The following ZNF765 variants were observed in gnomAD, a reference collection of about 807,000 sequenced individuals.
ZNF765 encodes zinc finger protein 765.
ZNF765 carries 37 observed loss-of-function variants against 44.7 expected under a neutral mutation model. The ratio of observed to expected loss-of-function variants is 0.83; its 90% CI spans 0.64 to 1.09. The LOEUF is 1.09. ZNF765 is among the 50% of genes least tolerant of loss of function. ZNF765 has a pLI of 0.00. For missense variants in ZNF765, 594 were observed against 626.1 expected, an observed-to-expected ratio of 0.95 and a Z score of 0.55; for synonymous variants, 201 against 213.7, an observed-to-expected ratio of 0.94 and a Z score of 0.52.
intron 2 of ZNF765, 68 bp from the exon 3 acceptor site, chr19:53,401,997 C>T (rs1205421914): frequency 5.6e-6 from 9 of 1,613,724 alleles, no homozygotes; most frequent in South Asian, 2.2e-5. Flanking sequence ...CCTCTCTCTT[C>T]TTCTCATTTT....
At chr19:53,398,516 C>T (rs571474091) in intron 2 of ZNF765, among the ~76,000 whole-genome samples, 8 of 152,276 alleles carry the variant, frequency 5.3e-5, no homozygotes, top group Admixed American at 3.9e-4. Flanking sequence ...GTGTTTCTGA[C>T]TCCAACTATC....
At chr19:53,402,836 AG>A (rs2147092516) in intron 3 of ZNF765, among the ~76,000 whole-genome samples, 1 of 152,254 alleles carries the variant, frequency 6.6e-6, no homozygotes, top group Admixed American at 6.5e-5. Context: ...CTGGGATTAC[AG>A]GTGCCAAACC....
Position 53,402,125 on chromosome 19 carries a change from G to A in ZNF765, c.76G>A (p.Asp26Asn), listed in dbSNP as rs1385156783. 1 of 1,613,904 alleles carries A rather than the reference G, an allele frequency of 6.2e-7. No individual in the cohort carries two copies. Among genetic ancestry groups the A allele is most frequent in the Non-Finnish European group, 8.5e-7 (1 of 1,179,998 alleles). Residue 26 changes from aspartate (D) to asparagine (N), a missense_variant, in exon 3 of 4, where the codon GAC becomes AAC. By Grantham distance (23) the Asp-to-Asn change is conservative. This residue lies in a region of ZNF765 where 27 missense variants were observed against 53.6 expected (regional missense o/e 0.50). Coordinates refer to ENST00000396408, the MANE Select transcript of ZNF765 (RefSeq NM_001040185.3). ...CTCTCAGGAGGAGTGGAAATGCCTG[G>A]ACCCTGCTCAGAGGACTCTATACAG... The part of the protein sequence containing the change: ...EFSQEEWKCL[D>N]PAQRTLYRDV...
In ZNF765 at chr19:53,410,301, CCAAA is replaced by C. The variant is rs1188945069; in HGVS notation, c.*1175_*1178del. 8 of 357,440 alleles carry C rather than the reference CCAAA, an allele frequency of 2.2e-5. 1 individual carries two copies. Among genetic ancestry groups the C allele is most frequent in the Non-Finnish European group, 4.5e-5 (8 of 176,682 alleles). 22.1% of individuals were successfully genotyped at this position (357,440 alleles called of 1,614,324 possible). The stretch of plus-strand genomic sequence containing the variant: ...AAGTTTACAGTCGCAAATCAAGCCT[CCAAA>C]GACAGGAGAATTCATACTGGAGAGA... On this transcript the variant is annotated 3_prime_UTR_variant, in exon 4 of 4. Transcript: ENST00000396408.
intron 3 of ZNF765, among the ~76,000 whole-genome samples, chr19:53,417,045 TGACCTCA>T (rs2085879512): frequency 6.6e-6 from 1 of 152,164 alleles, no homozygotes; most frequent in African/African-American, 2.4e-5. Flanking sequence ...CCCTAACTCT[TGACCTCA>T]GGTGATCTGC....
At chr19:53,421,710 C>T (rs1193551920) in intron 3 of ZNF765, among the ~76,000 whole-genome samples, 1 of 152,140 alleles carries the variant, frequency 6.6e-6, no homozygotes, top group Non-Finnish European at 1.5e-5. Context: ...GATGGGGTTT[C>T]TCCATGTTGG....
chr19:53,396,620 T>G (rs2617640), intron 1 of ZNF765, among the ~76,000 whole-genome samples: 109,001 of 152,004 alleles, frequency 0.72, 39,185 homozygotes, highest in South Asian at 0.78. Context: ...AAGTGGGGTT[T>G]TCTGGAGCTC....
chr19:53,409,880 T>C lies in ZNF765; in HGVS notation c.*753T>C, dbSNP rs2085817670. ...AGAGGTACCTTACAAGGATAATGAG[T>C]GTAGAAAAACCTTTCATGGGCAGTC... On this transcript the variant is annotated 3_prime_UTR_variant, in exon 4 of 4. Coordinates refer to ENST00000396408, the MANE Select transcript of ZNF765 (RefSeq NM_001040185.3). 1.5e-6 allele frequency: 1 copy of C among 653,240 alleles called. No homozygotes were observed. The allele number at this position is 653,240 out of a possible 1,614,324, so 40.5% of individuals were successfully genotyped here.
chr19:53,403,098 G>A (rs1232638963), intron 3 of ZNF765, among the ~76,000 whole-genome samples: 1 of 151,956 alleles, frequency 6.6e-6, no homozygotes, highest in Non-Finnish European at 1.5e-5. Flanking sequence ...GGGAGTCAGA[G>A]GTTGCAGTGA....
Position 53,399,803 on chromosome 19 carries a change from A to G in ZNF765, c.15+1773A>G, listed in dbSNP as rs147655300. Among the ~76,000 whole-genome samples the G allele has an allele frequency of 5.0e-3, 761 of 152,102 alleles. 3 individuals are homozygous for G. Among genetic ancestry groups the G allele is most frequent in the African/African-American group, 0.016 (663 of 41,464 alleles). On this transcript the variant is annotated intron_variant, in intron 2 of 3. Coordinates refer to ENST00000396408, the MANE Select transcript of ZNF765 (RefSeq NM_001040185.3). ...ACTCTGGTGTTAAGTCCCGTACCCA[A>G]TAGTTATTTTTTATTTATTTATTTT...
At position 53,407,765 on chromosome 19, in the gene ZNF765, T is replaced by C; in HGVS notation, c.210T>C (p.His70=). ...CACAAGGCAATAGAGAAGTGTTCCA[T>C]GCAGGGACATCTCAAAGACATGAAA... ...STAQGNREVF[H]AGTSQRHESH... The change falls in exon 4 of 4, where the codon CAT becomes CAC. Residue 70 remains histidine (H), a synonymous_variant. Transcript: ENST00000396408. The C allele has an allele frequency of 2.5e-6, 4 of 1,607,808 alleles. No homozygotes were observed. Among genetic ancestry groups the C allele is most frequent in the Non-Finnish European group, 2.5e-6 (3 of 1,177,108 alleles).
chr19:53,408,589 A>G lies in ZNF765; in HGVS notation c.1034A>G (p.His345Arg), dbSNP rs376684292. Residue 345 changes from histidine (H) to arginine (R), a missense_variant, in exon 4 of 4, where the codon CAT becomes CGT. Coordinates refer to ENST00000396408, the MANE Select transcript of ZNF765 (RefSeq NM_001040185.3). ...AGTCAGAAGTCGTACCTTACATGCC[A>G]TCGTAGGCTTCATACTGGAGAGAAA... ...TFSQKSYLTC[H>R]RRLHTGEKPY... 9 of 1,613,882 alleles carry G rather than the reference A, an allele frequency of 5.6e-6. No individual in the cohort carries two copies. In the South Asian group the frequency reaches 8.8e-5, roughly 16 times the overall value.
chr19:53,426,779 C>A (rs549363823), exon 4 of ZNF765: 2 of 151,872 alleles, frequency 1.3e-5, no homozygotes, highest in African/African-American at 2.4e-5. Flanking sequence ...ACCATCCCCC[C>A]ATCTGTGGAA....
At chr19:53,425,624 A>C (rs1005442172) in exon 4 of ZNF765, 3 of 152,082 alleles carry the variant, frequency 2.0e-5, no homozygotes, top group African/African-American at 7.2e-5. Context: ...AAACTCTTTT[A>C]CTCCTGTTGC....
chr19:53,395,955 T>G (rs1600042510), intron 1 of ZNF765, among the ~76,000 whole-genome samples: 6 of 144,394 alleles, frequency 4.2e-5, no homozygotes, highest in Admixed American at 1.4e-4. Flanking sequence ...GATGGCAAAG[T>G]AGAGGATGGG....
intron 1 of ZNF765, among the ~76,000 whole-genome samples, chr19:53,396,425 G>C (rs1266961856): frequency 6.6e-6 from 1 of 152,240 alleles, no homozygotes; most frequent in Admixed American, 6.5e-5. Flanking sequence ...AACAAAGACA[G>C]AGTGGGGTTT....
Position 53,411,172 on chromosome 19 carries a change from C to T in ZNF765, c.*2045C>T, listed in dbSNP as rs7253508. 2.7e-4 allele frequency: 42 copies of T among 158,394 alleles called. 1 individual carries two copies. The South Asian group carries it at 7.7e-3, about 29-fold the overall frequency. 9.8% of individuals were successfully genotyped at this position (158,394 alleles called of 1,614,324 possible). A position where few individuals can be genotyped will look rare whatever the true frequency, so the allele number is the denominator to read the frequency against. ...CAGTGGCTCACACCTGTAATCTGAGCGCTTTGGGAGGCCAGCACCGGTAGA... is the reference window on the plus strand; with the variant it reads ...CAGTGGCTCACACCTGTAATCTGAGTGCTTTGGGAGGCCAGCACCGGTAGA... On this transcript the variant is annotated 3_prime_UTR_variant, in exon 4 of 4. Coordinates refer to ENST00000396408, the MANE Select transcript of ZNF765 (RefSeq NM_001040185.3).
rs182664823 is a variant in ZNF765, at chr19:53,423,309, G to T, written c.*207G>T. ...GGGATACTGTTCTGCTGCTGATCAC[G>T]AGGGCACCAGAGAGTCGCTGACGCG... On this transcript the variant is annotated 3_prime_UTR_variant, in exon 4 of 4. Coordinates refer to the ZNF765 transcript ENST00000594030. 2.7e-3 allele frequency: 1,735 copies of T among 639,734 alleles called. 40 individuals are homozygous for T. The East Asian group carries it at 0.046, about 17-fold the overall frequency. The allele number at this position is 639,734 out of a possible 1,614,324, so 39.6% of individuals were successfully genotyped here. A position where few individuals can be genotyped will look rare whatever the true frequency, so the allele number is the denominator to read the frequency against.
rs1031962695 is a variant in ZNF765 at position 53,407,203 on chromosome 19, T to A, written c.143-495T>A. ...AAAAATTACATTTTGTAATCTTTTCTTATCTTCTCAGTGCTATGATTGTTT... is the reference window on the plus strand; with the variant it reads ...AAAAATTACATTTTGTAATCTTTTCATATCTTCTCAGTGCTATGATTGTTT... On this transcript the variant is annotated intron_variant, in intron 3 of 3. Transcript: ENST00000396408. Among the ~76,000 whole-genome samples the A allele has an allele frequency of 5.1e-4, 77 of 152,186 alleles. 6 individuals are homozygous for A. The highest frequency in any genetic ancestry group is 1.5e-5 in the Non-Finnish European group (1 of 68,034).
Sources: gnomAD v4.1 joint callset for allele counts (sites outside exome capture counted in the v4.1 genomes callset) on GRCh38, gnomAD v4.1.1 for gene constraint, gnomAD v4.1.1 regional missense constraint, MANE v1.5 for transcripts, NCBI Gene and HGNC (gene_info 2026-07-23, HGNC 2026-07-21) for gene names.